Variants in CDK14 observed in about 807,000 individuals in gnomAD.
CDK14 encodes the protein cyclin-dependent kinase 14.
Under a neutral mutation model 60.7 loss-of-function variants are expected in CDK14, and 34 were observed. The ratio of observed to expected loss-of-function variants is 0.56; its 90% CI spans 0.43 to 0.75. The LOEUF (loss-of-function observed/expected upper bound fraction) is 0.75. Ranked by LOEUF, CDK14 falls within the 30% of genes least tolerant of loss-of-function variation. The pLI is 0.00. For synonymous variants in CDK14, 197 were observed against 203.7 expected (o/e 0.97, Z 0.28); for missense variants, 482 against 564.1 (o/e 0.85, Z 1.47).
chr7:90,663,629 T>C (rs1054813096), intron 2 of CDK14, among the ~76,000 whole-genome samples: 1 of 152,212 alleles, frequency 6.6e-6, no homozygotes, highest in African/African-American at 2.4e-5. Flanking sequence ...ATTTAGTGTC[T>C]CTCTCAAAAT....
intron 5 of CDK14, among the ~76,000 whole-genome samples, chr7:90,808,322 A>C (rs1432974129): frequency 6.6e-6 from 1 of 152,226 alleles, no homozygotes; most frequent in Non-Finnish European, 1.5e-5. Context: ...AACATTCTTA[A>C]AGAAAAGAAT....
intron 2 of CDK14, among the ~76,000 whole-genome samples, chr7:90,617,125 G>A (rs1183550547): frequency 1.6e-4 from 25 of 152,026 alleles, no homozygotes; most frequent in Admixed American, 1.6e-3. Context: ...AACAGCCATT[G>A]TATGTAGAGT....
At chr7:91,150,035 A>AAGGG (rs1244295053) in intron 14 of CDK14, among the ~76,000 whole-genome samples, 1 of 152,162 alleles carries the variant, frequency 6.6e-6, no homozygotes, top group African/African-American at 2.4e-5. Context: ...AAGCAGCTTA[A>AAGGG]AGGGCTTCAG....
intron 2 of CDK14, among the ~76,000 whole-genome samples, chr7:90,722,521 A>G (rs1434732443): frequency 2.0e-5 from 3 of 152,082 alleles, no homozygotes; most frequent in Non-Finnish European, 4.4e-5. Context: ...ATTGTTTTCT[A>G]CTTTTATTTT....
At chr7:91,124,655 T>C (rs1173635157) in intron 14 of CDK14, among the ~76,000 whole-genome samples, 1 of 152,076 alleles carries the variant, frequency 6.6e-6, no homozygotes, top group Admixed American at 6.6e-5. Flanking sequence ...AAATGAGCTT[T>C]CAAAATGGTG....
intron 10 of CDK14, among the ~76,000 whole-genome samples, chr7:91,024,113 TG>T (rs1718472280): frequency 1.9e-5 from 1 of 52,090 alleles, no homozygotes; most frequent in South Asian, 5.1e-4. Flanking sequence ...CCATCCAAAA[TG>T]ATGATGATGA....
intron 5 of CDK14, among the ~76,000 whole-genome samples, chr7:90,831,273 G>A (rs767546180): frequency 1.3e-5 from 2 of 152,172 alleles, no homozygotes; most frequent in Non-Finnish European, 2.9e-5. Context: ...TATAATCATT[G>A]CAGAAGGTGA....
intron 10 of CDK14, among the ~76,000 whole-genome samples, chr7:91,017,216 G>A (rs573801107): frequency 6.6e-6 from 1 of 152,254 alleles, no homozygotes; most frequent in South Asian, 2.1e-4. Flanking sequence ...AATAGAAGAA[G>A]CTCTTTAAGA....
chr7:91,004,454 A>AGTGG (rs1795926161), intron 10 of CDK14, among the ~76,000 whole-genome samples: 1 of 152,184 alleles, frequency 6.6e-6, no homozygotes, highest in Non-Finnish European at 1.5e-5. Context: ...TCTACTGGGG[A>AGTGG]GTGGTATTGG....
intron 14 of CDK14, among the ~76,000 whole-genome samples, chr7:91,167,723 T>A (rs1159900054): frequency 1.3e-5 from 2 of 152,222 alleles, no homozygotes; most frequent in Non-Finnish European, 2.9e-5. Context: ...TACAGCCGAC[T>A]GCCTACATGT....
At chr7:90,941,868 A>G (rs1368105378) in intron 8 of CDK14, among the ~76,000 whole-genome samples, 1 of 152,110 alleles carries the variant, frequency 6.6e-6, no homozygotes, top group East Asian at 1.9e-4. Context: ...AAGTGCCTGT[A>G]ATGTTGACCC....
chr7:91,181,902 G>T (rs982175837), intron 14 of CDK14, among the ~76,000 whole-genome samples: 1 of 152,096 alleles, frequency 6.6e-6, no homozygotes, highest in Non-Finnish European at 1.5e-5. Flanking sequence ...TCTACAAATT[G>T]TGAGGTCACA....
At chr7:90,621,793 C>T (rs1015336024) in intron 2 of CDK14, among the ~76,000 whole-genome samples, 1 of 151,998 alleles carries the variant, frequency 6.6e-6, no homozygotes, top group Admixed American at 6.6e-5. Flanking sequence ...TTAATTTTCC[C>T]AGTAATGTTG....
chr7:91,086,901 G>A (rs542053160), intron 12 of CDK14, among the ~76,000 whole-genome samples: 1 of 152,204 alleles, frequency 6.6e-6, no homozygotes, highest in African/African-American at 2.4e-5. Context: ...ATGAATATAA[G>A]AAGTCACTGG....
chr7:90,770,738 C>T (rs11763939), intron 4 of CDK14, among the ~76,000 whole-genome samples: 1 of 152,078 alleles, frequency 6.6e-6, no homozygotes, highest in African/African-American at 2.4e-5. Context: ...TAGACCCCTT[C>T]ACGCTTAAGT....
chr7:91,118,257 C>T (rs907866089), intron 14 of CDK14, 49 bp downstream of exon 14: 55 of 854,100 alleles, frequency 6.4e-5, no homozygotes, highest in Non-Finnish European at 8.9e-5. Context: ...GGATATTGAA[C>T]GGATTCTTTA....
intron 4 of CDK14, among the ~76,000 whole-genome samples, chr7:90,762,756 C>A (rs781373168): frequency 6.6e-6 from 1 of 152,100 alleles, no homozygotes; most frequent in South Asian, 2.1e-4. Flanking sequence ...GAGGCTGAGG[C>A]GGGCAGATTA....
intron 2 of CDK14, among the ~76,000 whole-genome samples, chr7:90,668,620 A>AGTTCT: frequency 6.7e-6 from 1 of 148,948 alleles, no homozygotes; most frequent in East Asian, 2.0e-4. Context: ...TTCTTCTGAG[A>AGTTCT]GTTTTATAGT....
intron 6 of CDK14, among the ~76,000 whole-genome samples, chr7:90,891,149 T>C (rs989019202): frequency 4.6e-5 from 7 of 152,190 alleles, no homozygotes; most frequent in Admixed American, 4.6e-4. Flanking sequence ...GCCCTTTTTC[T>C]TCAGAAAATA....
Sources: gnomAD v4.1 joint callset for allele counts (sites outside exome capture counted in the v4.1 genomes callset) on GRCh38, gnomAD v4.1.1 for gene constraint, MANE v1.5 for transcripts, NCBI Gene and HGNC (gene_info 2026-07-23, HGNC 2026-07-21) for gene names.